Variants in C3orf49 observed in about 807,000 individuals in gnomAD.
C3orf49 encodes putative uncharacterized protein C3orf49.
C3orf49 carries 27 observed loss-of-function variants against 13.3 expected under a neutral mutation model. That is an observed-to-expected ratio of 2.02 (90% CI 1.49 to 2.79). The LOEUF (loss-of-function observed/expected upper bound fraction) is 2.79, where lower values mean the gene tolerates loss of function less well. Ranked by LOEUF, C3orf49 falls within the 30% of genes most tolerant of loss-of-function variation. C3orf49 has a pLI of 0.00. For synonymous variants in C3orf49, 87 were observed against 47.6 expected (o/e 1.83, Z -3.40); for missense variants, 242 against 134.2 (o/e 1.80, Z -3.97).
the C3orf49 span, among the ~76,000 whole-genome samples, chr3:63,789,810 C>CAAA: frequency 8.5e-3 from 421 of 49,504 alleles, 19 homozygotes; most frequent in African/African-American, 0.027. Context: ...GACTCTGTCT[C>CAAA]AAAAAAAAAA....
the C3orf49 span, among the ~76,000 whole-genome samples, chr3:63,798,851 T>C: frequency 1.3e-5 from 2 of 152,172 alleles, no homozygotes; most frequent in Admixed American, 1.3e-4. Flanking sequence ...ACAAATTCTC[T>C]TCTGTGAAAA....
chr3:63,796,975 T>G, the C3orf49 span, among the ~76,000 whole-genome samples: 1 of 152,270 alleles, frequency 6.6e-6, no homozygotes, highest in South Asian at 2.1e-4. Context: ...TTATTTCTCT[T>G]TAGCTTTTTT....
At chr3:63,824,897 G>A (rs1044071785) in intron 2 of C3orf49, among the ~76,000 whole-genome samples, 1 of 149,604 alleles carries the variant, frequency 6.7e-6, no homozygotes, top group Non-Finnish European at 1.5e-5. Context: ...TATATTTACA[G>A]AAAAATTGAA....
chr3:63,838,261 A>T (rs1575803344), intron 5 of C3orf49: 1 of 936,870 alleles, frequency 1.1e-6, no homozygotes, highest in Admixed American at 3.1e-5. Context: ...TCTTTCCATT[A>T]ATACAGTAAT....
At chr3:63,839,534 TAA>T in intron 5 of C3orf49, 1 of 817,090 alleles carries the variant, frequency 1.2e-6, no homozygotes. Context: ...CTTGGTTAAT[TAA>T]GAGTTGACTC....
chr3:63,845,733 C>T (rs1374738038), intron 6 of C3orf49, among the ~76,000 whole-genome samples: 2 of 152,148 alleles, frequency 1.3e-5, no homozygotes, highest in Non-Finnish European at 2.9e-5. Flanking sequence ...GCCATTTTGG[C>T]TTTGGAAGAC....
chr3:63,819,251 T>C, upstream of C3orf49: 1 of 472,070 alleles, frequency 2.1e-6, no homozygotes, highest in Non-Finnish European at 3.8e-6. Context: ...AATACATCAC[T>C]GGTGACCTCT....
the C3orf49 span, among the ~76,000 whole-genome samples, chr3:63,795,911 T>C: frequency 6.6e-6 from 1 of 152,126 alleles, no homozygotes. Flanking sequence ...TTGTCAACAT[T>C]ACCTCCAAAA....
At chr3:63,843,511 C>T (rs1052613614) in intron 5 of C3orf49, among the ~76,000 whole-genome samples, 11 of 152,202 alleles carry the variant, frequency 7.2e-5, no homozygotes, top group African/African-American at 2.7e-4. Flanking sequence ...ATCAGTATGT[C>T]AAAGAGGTAT....
At chr3:63,806,553 T>C in the C3orf49 span, among the ~76,000 whole-genome samples, 3 of 151,996 alleles carry the variant, frequency 2.0e-5, no homozygotes, top group East Asian at 5.8e-4. Context: ...TACTGAAGTT[T>C]AGAAAGGTCT....
At chr3:63,786,006 T>G in the C3orf49 span, 1 of 152,140 alleles carries the variant, frequency 6.6e-6, no homozygotes, top group African/African-American at 2.4e-5. Context: ...AATCAAAAAC[T>G]GCTGCTGTGG....
intron 5 of C3orf49, among the ~76,000 whole-genome samples, chr3:63,836,858 C>T (rs182819723): frequency 6.6e-6 from 1 of 151,834 alleles, no homozygotes; most frequent in Non-Finnish European, 1.5e-5. Context: ...TCCACTGAGA[C>T]CTCCAAGATA....
chr3:63,815,140 C>T (rs1040031580), upstream of C3orf49, among the ~76,000 whole-genome samples: 2 of 152,126 alleles, frequency 1.3e-5, no homozygotes, highest in African/African-American at 4.8e-5. Flanking sequence ...AGAAACTGCC[C>T]CATGATCCAA....
At chr3:63,805,739 G>A in the C3orf49 span, among the ~76,000 whole-genome samples, 2 of 152,204 alleles carry the variant, frequency 1.3e-5, no homozygotes, top group African/African-American at 4.8e-5. Flanking sequence ...CCTGGAGGGA[G>A]AAAATACCTT....
intron 5 of C3orf49, among the ~76,000 whole-genome samples, chr3:63,838,730 A>T (rs1437113004): frequency 6.6e-6 from 1 of 152,152 alleles, no homozygotes; most frequent in Non-Finnish European, 1.5e-5. Context: ...TGTTCTTATC[A>T]ATGCACATTT....
chr3:63,801,376 G>T, the C3orf49 span, among the ~76,000 whole-genome samples: 1 of 151,638 alleles, frequency 6.6e-6, no homozygotes, highest in African/African-American at 2.4e-5. Flanking sequence ...AAAATAAATA[G>T]ACAAAAATAA....
intron 5 of C3orf49, among the ~76,000 whole-genome samples, chr3:63,838,916 C>T (rs938666068): frequency 2.0e-4 from 30 of 152,072 alleles, no homozygotes; most frequent in Admixed American, 1.0e-3. Context: ...TATAGTTAGG[C>T]GTGGTAGCTC....
chr3:63,828,519 C>T (rs1429657810), intron 3 of C3orf49, among the ~76,000 whole-genome samples: 1 of 152,112 alleles, frequency 6.6e-6, no homozygotes, highest in Non-Finnish European at 1.5e-5. Flanking sequence ...AGGCTGGTCT[C>T]GAACTCCTGG....
the C3orf49 span, among the ~76,000 whole-genome samples, chr3:63,800,095 C>G: frequency 3.3e-5 from 5 of 152,124 alleles, no homozygotes; most frequent in Non-Finnish European, 1.5e-5. Context: ...CTAAAGTATC[C>G]TGATAATTGA....
Sources: gnomAD v4.1 joint callset for allele counts (sites outside exome capture counted in the v4.1 genomes callset) on GRCh38, gnomAD v4.1.1 for gene constraint, MANE v1.5 for transcripts, NCBI Gene and HGNC (gene_info 2026-07-23, HGNC 2026-07-21) for gene names.